The following WNK2 variants were observed in gnomAD, a reference collection of about 807,000 sequenced individuals.
WNK2 encodes the protein serine/threonine-protein kinase WNK2.
Under a neutral mutation model 192.1 loss-of-function variants are expected in WNK2, and 67 were observed. The observed-to-expected ratio is 0.35, with a 90% CI of 0.29 to 0.43. The LOEUF is 0.43. Ranked by LOEUF, WNK2 falls within the 20% of genes least tolerant of loss-of-function variation. WNK2 has a pLI of 1.00. For synonymous variants in WNK2, 1,439 were observed against 1,393.9 expected (o/e 1.03, Z -0.72); for missense variants, 2,698 against 3,089.7 (o/e 0.87, Z 3.01).
chr9:93,306,205 A>G (rs1852506746), intron 26 of WNK2, among the ~76,000 whole-genome samples: 2 of 152,208 alleles, frequency 1.3e-5, no homozygotes, highest in South Asian at 4.1e-4. Flanking sequence ...GCCCCTAGAT[A>G]GAAACCCTCG....
intron 13 of WNK2, among the ~76,000 whole-genome samples, 194 bp downstream of exon 13, chr9:93,262,301 A>G (rs1351673470): frequency 2.0e-5 from 3 of 152,266 alleles, no homozygotes; most frequent in Non-Finnish European, 2.9e-5. Flanking sequence ...TGTGATTTTT[A>G]TAGATACAGG....
At chr9:93,197,823 G>C (rs1831546096) in intron 2 of WNK2, among the ~76,000 whole-genome samples, 1 of 152,146 alleles carries the variant, frequency 6.6e-6, no homozygotes, top group South Asian at 2.1e-4. Context: ...GCCCGGCCCT[G>C]TGTGGTGTTT....
intron 25 of WNK2, among the ~76,000 whole-genome samples, chr9:93,299,709 AG>A (rs1187020613): frequency 6.6e-6 from 1 of 152,058 alleles, no homozygotes; most frequent in African/African-American, 2.4e-5. Context: ...TTTGGCCTTG[AG>A]GAGGAAATTC....
At chr9:93,280,999 CAT>C (rs1236794498) in intron 19 of WNK2, among the ~76,000 whole-genome samples, 1 of 152,044 alleles carries the variant, frequency 6.6e-6, no homozygotes, top group Non-Finnish European at 1.5e-5. Flanking sequence ...TGTGACTGGA[CAT>C]ATATAAAATT....
intron 19 of WNK2, among the ~76,000 whole-genome samples, chr9:93,277,020 G>A (rs1847022485): frequency 6.6e-6 from 1 of 151,018 alleles, no homozygotes; most frequent in African/African-American, 2.4e-5. Flanking sequence ...GGGCGAACGA[G>A]CTAGACTCCG....
At chr9:93,232,860 C>T (rs544231795) in intron 4 of WNK2, among the ~76,000 whole-genome samples, 2 of 150,480 alleles carry the variant, frequency 1.3e-5, no homozygotes, top group Admixed American at 6.7e-5. Flanking sequence ...CCAGGAGTGT[C>T]CTCAGCTGCT....
rs1337689521 is a variant in WNK2, at chr9:93,239,661, G to A, written c.1323-96G>A. ...GAGGCCTGGCCTCAGGCTCCTGCAG[G>A]TGTGCCTGTCCTTGTCCTGGTGCGC... On this transcript the variant is annotated intron_variant, in intron 6 of 29. Transcript: ENST00000427277. The surrounding 1 kb of genome is among the most constrained non-coding windows in gnomAD (Gnocchi z 4.2). 1 of 1,095,406 alleles carries A rather than the reference G, an allele frequency of 9.1e-7. No individual in the cohort carries two copies. Among genetic ancestry groups the A allele is most frequent in the Non-Finnish European group, 1.3e-6 (1 of 763,312 alleles). 67.9% of individuals were successfully genotyped at this position (1,095,406 alleles called of 1,614,324 possible).
At chr9:93,186,713 G>A (rs188258083) in intron 2 of WNK2, among the ~76,000 whole-genome samples, 113 of 152,364 alleles carry the variant, frequency 7.4e-4, no homozygotes, top group African/African-American at 2.6e-3. Context: ...AGGGTGGCCT[G>A]CGTGTGTGTG....
At chr9:93,280,082 CCTT>C (rs1234819781) in intron 19 of WNK2, among the ~76,000 whole-genome samples, 1 of 152,174 alleles carries the variant, frequency 6.6e-6, no homozygotes, top group Non-Finnish European at 1.5e-5. Context: ...ACTGTCTACT[CCTT>C]GACAGACACA....
intron 2 of WNK2, among the ~76,000 whole-genome samples, chr9:93,225,121 G>A (rs1029951683): frequency 1.3e-5 from 2 of 152,172 alleles, no homozygotes; most frequent in Non-Finnish European, 2.9e-5. Context: ...CAAGCAGGCT[G>A]GGCATGGTGG....
In WNK2 at chr9:93,239,486, C is replaced by T. The variant is rs1288163276; in HGVS notation, c.1323-271C>T. ...CATAATGGGAGGCCTAATGTTTTTC[C>T]AAATCCTCTTTTGTATCATTGAATC... is the stretch of plus-strand genomic sequence containing the variant. On this transcript the variant is annotated intron_variant, in intron 6 of 29. Transcript: ENST00000427277. This position sits in a 1 kb window ranked among gnomAD's most constrained non-coding sequence, Gnocchi z 4.2. Among the ~76,000 whole-genome samples, 3 of 152,120 alleles carry T rather than the reference C, an allele frequency of 2.0e-5. No homozygotes were observed. Among genetic ancestry groups the T allele is most frequent in the East Asian group, 1.9e-4 (1 of 5,202 alleles).
At chr9:93,198,044 G>C (rs1431830569) in intron 2 of WNK2, among the ~76,000 whole-genome samples, 2 of 152,186 alleles carry the variant, frequency 1.3e-5, no homozygotes, top group African/African-American at 2.4e-5. Flanking sequence ...CCTCAGTAAA[G>C]TTTCCCAGTT....
intron 2 of WNK2, among the ~76,000 whole-genome samples, chr9:93,202,425 G>A (rs1587839670): frequency 6.6e-6 from 1 of 151,688 alleles, no homozygotes; most frequent in Admixed American, 6.6e-5. Flanking sequence ...CGCTTCCGTG[G>A]GAATGAGGAG....
Position 93,320,467 on chromosome 9 carries a change from C to T in WNK2, c.*75C>T. 5.2e-6 allele frequency: 7 copies of T among 1,349,362 alleles called. No homozygotes were observed. The highest frequency in any genetic ancestry group is 3.4e-5 in the South Asian group (3 of 87,638). 83.6% of individuals were successfully genotyped at this position (1,349,362 alleles called of 1,614,324 possible). A position where few individuals can be genotyped will look rare whatever the true frequency, so the allele number is the denominator to read the frequency against. ...CGGACCCTCAGGGCCAGCTGCTCCT[C>T]CTGTCCAGTTCACGCTGTTTTGTAA... On this transcript the variant is annotated 3_prime_UTR_variant, in exon 30 of 30. Transcript: ENST00000427277.
At chr9:93,236,713 C>T (rs1839874212) in intron 5 of WNK2, among the ~76,000 whole-genome samples, 1 of 152,274 alleles carries the variant, frequency 6.6e-6, no homozygotes, top group African/African-American at 2.4e-5. Context: ...CCACCCGCAC[C>T]CCCCCGCAAC....
intron 6 of WNK2, among the ~76,000 whole-genome samples, 168 bp downstream of exon 6, chr9:93,238,489 G>A (rs1270709723): frequency 7.9e-5 from 12 of 152,236 alleles, no homozygotes; most frequent in African/African-American, 1.7e-4. Context: ...CCCTGAGTGC[G>A]TGTGGGTGAC....
intron 19 of WNK2, among the ~76,000 whole-genome samples, chr9:93,283,858 C>T (rs2133661799): frequency 6.6e-6 from 1 of 152,206 alleles, no homozygotes; most frequent in South Asian, 2.1e-4. Flanking sequence ...ACAGTTGTTC[C>T]CAAGAGGAAA....
chr9:93,202,870 G>A (rs1832723293), intron 2 of WNK2, among the ~76,000 whole-genome samples: 1 of 152,160 alleles, frequency 6.6e-6, no homozygotes, highest in Admixed American at 6.5e-5. Flanking sequence ...GGAAGGGCTA[G>A]GCTGCCTTTG....
intron 23 of WNK2, among the ~76,000 whole-genome samples, chr9:93,294,104 A>G (rs1849838343): frequency 6.6e-6 from 1 of 152,162 alleles, no homozygotes; most frequent in Non-Finnish European, 1.5e-5. Flanking sequence ...GCCTGAAGGC[A>G]CGTTTGTAAG....
Sources: gnomAD v4.1 joint callset for allele counts (sites outside exome capture counted in the v4.1 genomes callset) on GRCh38, gnomAD v4.1.1 for gene constraint, Gnocchi (gnomAD v3.1) non-coding constraint, MANE v1.5 for transcripts, NCBI Gene and HGNC (gene_info 2026-07-23, HGNC 2026-07-21) for gene names.